RAD51B: variants seen among roughly 807,000 people sequenced by gnomAD.
The protein encoded by RAD51B is RAD51 paralog B, also known as DNA repair protein RAD51 homolog 2.
Under a neutral mutation model 42.2 loss-of-function variants are expected in RAD51B, and 38 were observed. The ratio of observed to expected loss-of-function variants is 0.90; its 90% CI spans 0.70 to 1.18. The LOEUF (loss-of-function observed/expected upper bound fraction) is 1.18, where lower values mean the gene tolerates loss of function less well. Ranked by LOEUF, RAD51B falls within the 50% of genes most tolerant of loss-of-function variation. The probability of loss-of-function intolerance (pLI) is 0.00; values close to 1 mark genes in which losing one functional copy is unlikely to be tolerated. For missense variants in RAD51B, 373 were observed against 400.7 expected (o/e 0.93, Z 0.59); for synonymous variants, 154 against 145.2 (o/e 1.06, Z -0.43).
intron 7 of RAD51B, among the ~76,000 whole-genome samples, chr14:68,136,075 C>G (rs954849948): frequency 6.6e-6 from 1 of 152,172 alleles, no homozygotes; most frequent in Admixed American, 6.5e-5. Context: ...TGTAAACTAG[C>G]TGATCTATTT....
At chr14:68,140,853 C>G (rs1411486101) in intron 7 of RAD51B, among the ~76,000 whole-genome samples, 2 of 152,176 alleles carry the variant, frequency 1.3e-5, no homozygotes, top group Non-Finnish European at 2.9e-5. Context: ...TTAGGCAAAT[C>G]TGGTTAATTG....
intron 10 of RAD51B, among the ~76,000 whole-genome samples, chr14:68,475,352 T>C (rs78618613): frequency 0.062 from 9,494 of 152,296 alleles, 412 homozygotes; most frequent in Non-Finnish European, 0.091. Context: ...AGGGCTGGGC[T>C]TGTTGCATAA....
At chr14:68,472,395 C>T (rs534863632) in intron 10 of RAD51B, among the ~76,000 whole-genome samples, 3 of 152,152 alleles carry the variant, frequency 2.0e-5, no homozygotes, top group Non-Finnish European at 4.4e-5. Flanking sequence ...CCCAGCTCTC[C>T]GGGAGCCCTC....
At chr14:68,024,495 G>A (rs1166026313) in intron 7 of RAD51B, among the ~76,000 whole-genome samples, 3 of 151,946 alleles carry the variant, frequency 2.0e-5, no homozygotes, top group African/African-American at 7.3e-5. Context: ...TCATTTATTT[G>A]TGTCATCTCT....
chr14:67,956,596 T>C lies in RAD51B; in HGVS notation c.756+69392T>C, dbSNP rs745736220. On this transcript the variant is annotated intron_variant, in intron 7 of 10. Coordinates refer to ENST00000471583, the MANE Select transcript of RAD51B (RefSeq NM_133510.4). Reference sequence around the variant, plus strand: ...TTTTCTCGAAAAGTATGTAATCTGTTAAGAGACATTTCACGTAGGAAATTT... The same window carrying C: ...TTTTCTCGAAAAGTATGTAATCTGTCAAGAGACATTTCACGTAGGAAATTT... 2.0e-5 allele frequency among the ~76,000 whole-genome samples: 3 copies of C among 152,230 alleles called. No individual in the cohort carries two copies. The East Asian group carries it at 5.8e-4, about 29-fold the overall frequency.
intron 7 of RAD51B, among the ~76,000 whole-genome samples, chr14:68,279,678 T>C (rs2081285502): frequency 2.0e-5 from 3 of 152,192 alleles, no homozygotes; most frequent in Non-Finnish European, 2.9e-5. Flanking sequence ...TTAATTATTT[T>C]TTTTCTTATT....
At chr14:68,434,511 G>A (rs1007473081) in intron 9 of RAD51B, among the ~76,000 whole-genome samples, 11 of 152,216 alleles carry the variant, frequency 7.2e-5, no homozygotes, top group African/African-American at 2.7e-4. Context: ...CTAGCAATGA[G>A]CGAGGCTCCA....
intron 8 of RAD51B, among the ~76,000 whole-genome samples, chr14:68,309,810 G>T (rs371028141): frequency 5.7e-4 from 87 of 152,318 alleles, no homozygotes; most frequent in African/African-American, 2.1e-3. Context: ...CCACAGAGCC[G>T]CTGGTATTGG....
At chr14:68,461,336 GAAA>G (rs60250666) in intron 9 of RAD51B, among the ~76,000 whole-genome samples, 2,693 of 126,490 alleles carry the variant, frequency 0.021, 64 homozygotes, top group African/African-American at 0.066. Context: ...TCCATGCAGG[GAAA>G]AAAAAAAAAA....
At chr14:68,305,891 G>A (rs2081849793) in intron 8 of RAD51B, among the ~76,000 whole-genome samples, 1 of 152,164 alleles carries the variant, frequency 6.6e-6, no homozygotes, top group Admixed American at 6.5e-5. Context: ...TACCTGTGGT[G>A]GATGACTGTT....
At chr14:68,568,617 C>A (rs1889539135) in intron 10 of RAD51B, among the ~76,000 whole-genome samples, 1 of 152,178 alleles carries the variant, frequency 6.6e-6, no homozygotes, top group African/African-American at 2.4e-5. Context: ...TTCATATACA[C>A]TACCCTGTGT....
intron 7 of RAD51B, among the ~76,000 whole-genome samples, chr14:68,248,519 C>T (rs1396412660): frequency 6.6e-6 from 1 of 151,926 alleles, no homozygotes; most frequent in Non-Finnish European, 1.5e-5. Flanking sequence ...TCTACTTTTA[C>T]TCTTCTAACA....
At chr14:68,369,573 G>C (rs940220239) in intron 8 of RAD51B, among the ~76,000 whole-genome samples, 3 of 152,234 alleles carry the variant, frequency 2.0e-5, no homozygotes, top group South Asian at 4.1e-4. Context: ...GGAATTTTGG[G>C]GCAACTCAGT....
At chr14:68,467,164 A>C (rs2086006843) in intron 9 of RAD51B, among the ~76,000 whole-genome samples, 1 of 152,240 alleles carries the variant, frequency 6.6e-6, no homozygotes, top group African/African-American at 2.4e-5. Flanking sequence ...TAATCTACTA[A>C]TTATTAGAGG....
chr14:68,302,492 T>TCCAGGCAGGGTATAGAG (rs138361575), intron 8 of RAD51B, among the ~76,000 whole-genome samples: 1 of 151,416 alleles, frequency 6.6e-6, no homozygotes, highest in Non-Finnish European at 1.5e-5. Flanking sequence ...CGTCATGGAA[T>TCCAGGCAGGGTATAGAG]CCAGGCAGGG....
At chr14:67,985,298 G>T (rs2075164813) in intron 7 of RAD51B, among the ~76,000 whole-genome samples, 1 of 152,112 alleles carries the variant, frequency 6.6e-6, no homozygotes, top group Admixed American at 6.6e-5. Flanking sequence ...AACCCTTTAA[G>T]CTATGTAGTT....
intron 7 of RAD51B, among the ~76,000 whole-genome samples, chr14:68,028,962 C>T (rs2075998131): frequency 1.3e-5 from 2 of 152,202 alleles, no homozygotes; most frequent in Admixed American, 1.3e-4. Context: ...CTGGGCATAT[C>T]CCTTTGCCAG....
intron 8 of RAD51B, among the ~76,000 whole-genome samples, chr14:68,318,671 C>G (rs1013050974): frequency 2.0e-5 from 3 of 152,172 alleles, no homozygotes; most frequent in Non-Finnish European, 4.4e-5. Context: ...TCTCTGGGGT[C>G]AGTGTGAATA....
intron 9 of RAD51B, among the ~76,000 whole-genome samples, chr14:68,445,026 A>G (rs1019930320): frequency 6.6e-6 from 1 of 152,102 alleles, no homozygotes; most frequent in Non-Finnish European, 1.5e-5. Context: ...GCTTTCTTTG[A>G]TATGCAACTG....
Sources: allele counts gnomAD v4.1 joint callset (sites outside exome capture counted in the v4.1 genomes callset), GRCh38; gene constraint gnomAD v4.1.1; transcripts MANE v1.5; gene names NCBI Gene and HGNC (gene_info 2026-07-23, HGNC 2026-07-21).